Variants in MT3 observed in about 807,000 individuals in gnomAD.
MT3 encodes metallothionein-3.
A neutral mutation model predicts 10.9 loss-of-function variants in MT3; 8 were observed. The observed-to-expected ratio is 0.73, with a 90% CI of 0.43 to 1.33. MT3 has a LOEUF of 1.33. Ranked by LOEUF, MT3 falls within the 40% of genes most tolerant of loss-of-function variation. The probability of loss-of-function intolerance (pLI) is 0.01; values close to 1 mark genes in which losing one functional copy is unlikely to be tolerated. For synonymous variants in MT3, 32 were observed against 29.9 expected, an observed-to-expected ratio of 1.07 and a Z score of -0.23; for missense variants, 75 against 83.9, an observed-to-expected ratio of 0.89 and a Z score of 0.41.
chr16:56,589,833 T>G, intron 1 of MT3, 37 bp from the exon 2 acceptor site: 1 of 1,611,392 alleles, frequency 6.2e-7, no homozygotes, highest in Non-Finnish European at 8.5e-7. Context: ...CCCGAGTTCG[T>G]CCACATTAAC....
intron 2 of MT3, 122 bp downstream of exon 2, chr16:56,590,057 A>G: frequency 9.9e-7 from 1 of 1,011,014 alleles, no homozygotes; most frequent in Non-Finnish European, 1.5e-6. Flanking sequence ...CTCTTGCTGG[A>G]ATAGAACCAC....
At chr16:56,589,655 T>C in intron 1 of MT3, 34 bp downstream of exon 1, 1 of 1,605,202 alleles carries the variant, frequency 6.2e-7, no homozygotes, top group Non-Finnish European at 8.5e-7. Context: ...TCCTGCGCAC[T>C]GCGCGCCCTT....
intron 1 of MT3, 99 bp downstream of exon 1, chr16:56,589,720 G>A: frequency 6.3e-7 from 1 of 1,592,550 alleles, no homozygotes. Flanking sequence ...CTTGGGGGAA[G>A]GGCCCCTGAT....
chr16:56,590,714 G>A, intron 2 of MT3, 126 bp from the exon 3 acceptor site: 2 of 857,344 alleles, frequency 2.3e-6, no homozygotes, highest in South Asian at 1.6e-5. Context: ...CTAAGAAGGG[G>A]GCTGCGACTA....
chr16:56,589,821 G>T (rs1476533607), intron 1 of MT3, 49 bp from the exon 2 acceptor site: 3 of 1,608,136 alleles, frequency 1.9e-6, no homozygotes, highest in Non-Finnish European at 2.6e-6. Context: ...CAGGCGTGGG[G>T]ACCCGAGTTC....
chr16:56,590,897 A>T lies in MT3; in HGVS notation c.155A>T (p.Lys52Ile), dbSNP rs759409375. Residue 52 changes from lysine (K) to isoleucine (I), a missense_variant, in exon 3 of 3, where the codon AAA becomes ATA. Lys to Ile is a moderately radical substitution (Grantham distance 102). Transcript: ENST00000200691. ...AAGTGTGCCAAGGACTGTGTGTGCAAAGGCGGAGAGGCAGCTGAGGCAGAA... is the reference window on the plus strand; with the variant it reads ...AAGTGTGCCAAGGACTGTGTGTGCATAGGCGGAGAGGCAGCTGAGGCAGAA... ...CEKCAKDCVC[K>I]GGEAAEAEAE... The T allele has an allele frequency of 2.5e-6, 4 of 1,614,002 alleles. No individual in the cohort carries two copies. The Admixed American group carries it at 6.7e-5, about 27-fold the overall frequency.
rs574222191 is a variant in MT3, at chr16:56,590,719, C to T, written c.98-121C>T. 6.4e-4 allele frequency: 597 copies of T among 925,636 alleles called. 2 individuals are homozygous for T. Among genetic ancestry groups the T allele is most frequent in the Non-Finnish European group, 8.4e-4 (508 of 603,808 alleles). 57.3% of individuals were successfully genotyped at this position (925,636 alleles called of 1,614,324 possible). ...AGGTGTGAGACTAAGAAGGGGGCTG[C>T]GACTAGCCCTGGCTGAATGAACCAG... On this transcript the variant is annotated intron_variant, in intron 2 of 2. Coordinates refer to ENST00000200691, the MANE Select transcript of MT3 (RefSeq NM_005954.4).
chr16:56,590,281 T>G (rs1186713165), intron 2 of MT3: 2 of 599,604 alleles, frequency 3.3e-6, no homozygotes, highest in African/African-American at 1.9e-5. Context: ...GCTCTGGAGT[T>G]CCGGTCCCTT....
intron 2 of MT3, chr16:56,590,310 C>T (rs1328747476): frequency 1.4e-5 from 8 of 591,270 alleles, no homozygotes; most frequent in East Asian, 1.1e-4. Flanking sequence ...TCCGGCCTTA[C>T]GGATCCTCTC....
chr16:56,590,026 C>T, intron 2 of MT3, 91 bp downstream of exon 2: 1 of 1,400,112 alleles, frequency 7.1e-7, no homozygotes, highest in South Asian at 1.2e-5. Context: ...GACAGCCAGG[C>T]CCCGATCCCG....
At chr16:56,589,964 G>A (rs1419041366) in intron 2 of MT3, 29 bp downstream of exon 2, 2 of 1,610,752 alleles carry the variant, frequency 1.2e-6, no homozygotes, top group African/African-American at 1.3e-5. Context: ...CCCCTCTGCC[G>A]CCGCCCCCTC....
Position 56,590,963 on chromosome 16 carries a change from C to T in MT3, c.*14C>T, listed in dbSNP as rs1280297641. 18 of 1,608,416 alleles carry T rather than the reference C, an allele frequency of 1.1e-5. No homozygotes were observed. Among genetic ancestry groups the T allele is most frequent in the Middle Eastern group, 1.7e-4 (1 of 6,056 alleles). On this transcript the variant is annotated 3_prime_UTR_variant, in exon 3 of 3. Coordinates refer to ENST00000200691, the MANE Select transcript of MT3 (RefSeq NM_005954.4). ...TGCTGCCAGTGAGAAGGCACCCCTC[C>T]GTGTGGAGCACGTGGAGATAGTGCC...
chr16:56,590,011 G>A lies in MT3; in HGVS notation c.97+76G>A, dbSNP rs574110464. The A allele has an allele frequency of 1.3e-5, 20 of 1,507,240 alleles. No homozygotes were observed. In the African/African-American group the frequency reaches 1.5e-4, roughly 11 times the overall value. 93.4% of individuals were successfully genotyped at this position (1,507,240 alleles called of 1,614,324 possible). ...GTCGGTGTCTCACCACGCAGGATGT[G>A]GAGAGACAGCCAGGCCCCGATCCCG... is the stretch of plus-strand genomic sequence containing the variant. On this transcript the variant is annotated intron_variant, in intron 2 of 2. Coordinates refer to ENST00000200691, the MANE Select transcript of MT3 (RefSeq NM_005954.4).
intron 2 of MT3, 132 bp downstream of exon 2, chr16:56,590,067 C>T: frequency 1.1e-6 from 1 of 909,762 alleles, no homozygotes; most frequent in Middle Eastern, 2.1e-4. Flanking sequence ...AATAGAACCA[C>T]CCGGGCAGAC....
At chr16:56,589,719 A>G (rs1959798522) in intron 1 of MT3, 98 bp downstream of exon 1, 3 of 1,592,172 alleles carry the variant, frequency 1.9e-6, no homozygotes, top group Non-Finnish European at 2.6e-6. Context: ...ACTTGGGGGA[A>G]GGGCCCCTGA....
rs1277169215 is a variant in MT3, at chr16:56,590,694, A to C, written c.98-146A>C. 8 of 707,718 alleles carry C rather than the reference A, an allele frequency of 1.1e-5. No homozygotes were observed. In the Admixed American group the frequency reaches 1.4e-4, roughly 12 times the overall value. The allele number at this position is 707,718 out of a possible 1,614,324, so 43.8% of individuals were successfully genotyped here. A position where few individuals can be genotyped will look rare whatever the true frequency, so the allele number is the denominator to read the frequency against. ...CGCGACATAGATGCTGAGTCAAAGC[A>C]GGTGTGAGACTAAGAAGGGGGCTGC... is the stretch of plus-strand genomic sequence containing the variant. On this transcript the variant is annotated intron_variant, in intron 2 of 2. Transcript: ENST00000200691.
In MT3 at chr16:56,590,849, C is replaced by A. The variant is rs781535156; in HGVS notation, c.107C>A (p.Ser36Tyr). The change falls in exon 3 of 3, where the codon TCC (serine) becomes TAC (tyrosine). Residue 36 changes from serine (S) to tyrosine (Y), a missense_variant. By Grantham distance (144) the Ser-to-Tyr change is moderately radical (BLOSUM62 -2). Transcript: ENST00000200691. ...TCCATTTTATCTGCAGGCTGCTGCT[C>A]CTGCTGCCCTGCGGAGTGTGAGAAG... ...KCTSCKKSCC[S>Y]CCPAECEKCA... The A allele has an allele frequency of 6.2e-7, 1 of 1,613,816 alleles. No individual in the cohort carries two copies. Among genetic ancestry groups the A allele is most frequent in the East Asian group, 2.2e-5 (1 of 44,880 alleles).
Position 56,590,855 on chromosome 16 carries a change from G to A in MT3, c.113G>A (p.Cys38Tyr). 1 of 1,613,932 alleles carries A rather than the reference G, an allele frequency of 6.2e-7. No homozygotes were observed. The highest frequency in any genetic ancestry group is 8.5e-7 in the Non-Finnish European group (1 of 1,179,956). ...TSCKKSCCSC[C>Y]PAECEKCAKD... ...TTATCTGCAGGCTGCTGCTCCTGCT[G>A]CCCTGCGGAGTGTGAGAAGTGTGCC... The change falls in exon 3 of 3, where the codon TGC becomes TAC. Residue 38 changes from cysteine (C) to tyrosine (Y), a missense_variant. Physicochemically the swap from Cys to Tyr is radical, Grantham distance 194. Coordinates refer to ENST00000200691, the MANE Select transcript of MT3 (RefSeq NM_005954.4).
chr16:56,590,504 G>A, intron 2 of MT3: 1 of 428,208 alleles, frequency 2.3e-6, no homozygotes, highest in South Asian at 3.0e-5. Context: ...ATCCTTTGAG[G>A]CCCCTTTCAA....
Sources: gnomAD v4.1 joint callset for allele counts on GRCh38, gnomAD v4.1.1 for gene constraint, MANE v1.5 for transcripts, NCBI Gene and HGNC (gene_info 2026-07-23, HGNC 2026-07-21) for gene names.